CYP39A1: variants seen among roughly 807,000 people sequenced by gnomAD.
CYP39A1 encodes the protein cytochrome P450 family 39 subfamily A member 1.
Under a neutral mutation model 58.1 loss-of-function variants are expected in CYP39A1, and 49 were observed. The ratio of observed to expected loss-of-function variants is 0.84; its 90% confidence interval spans 0.67 to 1.07. The LOEUF (loss-of-function observed/expected upper bound fraction) is 1.07. Among genes scored for constraint, CYP39A1 ranks in the 50% least tolerant of loss-of-function variants. CYP39A1 has a pLI of 0.00. For synonymous variants in CYP39A1, 209 were observed against 187.6 expected (o/e 1.11, Z -0.93); for missense variants, 531 against 539.4 (o/e 0.98, Z 0.16).
chr6:46,632,028 T>C (rs1430402729), intron 5 of CYP39A1, among the ~76,000 whole-genome samples: 3 of 152,242 alleles, frequency 2.0e-5, no homozygotes, highest in Non-Finnish European at 2.9e-5. Flanking sequence ...GGGCAAGTAC[T>C]GTTTTAAGTG....
chr6:46,563,094 A>C (rs978951341), intron 10 of CYP39A1, among the ~76,000 whole-genome samples: 3 of 151,080 alleles, frequency 2.0e-5, no homozygotes, highest in Non-Finnish European at 4.4e-5. Context: ...TTCACCACTA[A>C]AGTTTTTTTC....
In CYP39A1 at chr6:46,584,765, C is replaced by T. The variant is rs550831006; in HGVS notation, c.1250+2312G>A. Among the ~76,000 whole-genome samples, 94 of 152,254 alleles carry T rather than the reference C, an allele frequency of 6.2e-4. 1 individual carries two copies. The South Asian group carries it at 0.019, about 30-fold the overall frequency. ...TGCCTCTGTGCTTAGTAACCCTTTG[C>T]TCATTCTGTTGTCTCAAGCTAAAAG... On this transcript the variant is annotated intron_variant, in intron 10 of 11. Coordinates refer to ENST00000275016, the MANE Select transcript of CYP39A1 (RefSeq NM_016593.5).
chr6:46,592,344 T>C (rs1461998988), intron 8 of CYP39A1, among the ~76,000 whole-genome samples: 1 of 152,160 alleles, frequency 6.6e-6, no homozygotes, highest in African/African-American at 2.4e-5. Context: ...GATAAGCCCA[T>C]GTGAAATGTG....
chr6:46,628,832 G>A (rs1041091225), intron 6 of CYP39A1, among the ~76,000 whole-genome samples: 5 of 152,116 alleles, frequency 3.3e-5, no homozygotes, highest in Admixed American at 1.3e-4. Flanking sequence ...CAGTATTAAC[G>A]GGCCATTGAA....
chr6:46,639,468 T>C, intron 3 of CYP39A1, 26 bp downstream of exon 3: 1 of 1,604,422 alleles, frequency 6.2e-7, no homozygotes, highest in Admixed American at 1.7e-5. Flanking sequence ...AAAGCAAGAC[T>C]AAATCATACT....
At chr6:46,648,832 G>A (rs1762492856) in intron 1 of CYP39A1, among the ~76,000 whole-genome samples, 1 of 151,646 alleles carries the variant, frequency 6.6e-6, no homozygotes, top group African/African-American at 2.4e-5. Context: ...AACAAATAAT[G>A]TTTCCATTGT....
intron 7 of CYP39A1, among the ~76,000 whole-genome samples, chr6:46,621,201 C>T (rs376758667): frequency 2.7e-5 from 4 of 146,016 alleles, no homozygotes; most frequent in Admixed American, 6.7e-5. Flanking sequence ...CAACAGAAAG[C>T]GTCCCTGAAG....
At chr6:46,577,867 T>C (rs948841176) in intron 10 of CYP39A1, among the ~76,000 whole-genome samples, 1 of 152,010 alleles carries the variant, frequency 6.6e-6, no homozygotes, top group African/African-American at 2.4e-5. Flanking sequence ...GTCAGACAAG[T>C]CATCAAAGCA....
chr6:46,575,726 C>T (rs1005404924), intron 10 of CYP39A1, among the ~76,000 whole-genome samples: 1 of 152,296 alleles, frequency 6.6e-6, no homozygotes, highest in African/African-American at 2.4e-5. Flanking sequence ...CAGCACAGCC[C>T]GTGCTTTAAT....
intron 10 of CYP39A1, among the ~76,000 whole-genome samples, chr6:46,576,430 T>A (rs796238078): frequency 6.6e-6 from 1 of 152,212 alleles, no homozygotes; most frequent in Non-Finnish European, 1.5e-5. Context: ...CTGGCAACTC[T>A]GAAAGCCAGA....
At chr6:46,601,356 C>T (rs1222318404) in intron 7 of CYP39A1, among the ~76,000 whole-genome samples, 1 of 152,136 alleles carries the variant, frequency 6.6e-6, no homozygotes, top group Non-Finnish European at 1.5e-5. Context: ...TCTACAACCC[C>T]TTTGTAAATA....
chr6:46,596,471 TA>T, intron 7 of CYP39A1, among the ~76,000 whole-genome samples: 1 of 152,032 alleles, frequency 6.6e-6, no homozygotes, highest in African/African-American at 2.4e-5. Context: ...TCCACTTATG[TA>T]AAAAGCAATA....
chr6:46,570,248 T>C (rs1419946024), intron 10 of CYP39A1, among the ~76,000 whole-genome samples: 1 of 152,180 alleles, frequency 6.6e-6, no homozygotes, highest in Non-Finnish European at 1.5e-5. Context: ...CCAGAAGATA[T>C]ATCATTTTTC....
At chr6:46,607,630 G>T (rs1274371750) in intron 7 of CYP39A1, among the ~76,000 whole-genome samples, 5 of 152,054 alleles carry the variant, frequency 3.3e-5, no homozygotes, top group Non-Finnish European at 7.4e-5. Context: ...AAGGGGAATG[G>T]TAGGCATTTA....
intron 10 of CYP39A1, among the ~76,000 whole-genome samples, chr6:46,579,915 A>G (rs956639983): frequency 2.0e-5 from 3 of 152,210 alleles, no homozygotes; most frequent in Admixed American, 2.0e-4. Context: ...AATATTGTTA[A>G]AACGGTCATA....
chr6:46,565,418 A>T (rs879691836), intron 10 of CYP39A1, among the ~76,000 whole-genome samples: 3 of 152,106 alleles, frequency 2.0e-5, no homozygotes, highest in Non-Finnish European at 4.4e-5. Flanking sequence ...AATATAGAAA[A>T]AAAAGAACAA....
chr6:46,563,297 G>A (rs956362043), intron 10 of CYP39A1, among the ~76,000 whole-genome samples: 1 of 152,136 alleles, frequency 6.6e-6, no homozygotes, highest in East Asian at 1.9e-4. Context: ...GCTAAGCTAT[G>A]TTCAGGTAAG....
intron 7 of CYP39A1, among the ~76,000 whole-genome samples, chr6:46,606,675 G>A (rs1432022837): frequency 2.6e-5 from 4 of 152,160 alleles, no homozygotes; most frequent in African/African-American, 4.8e-5. Flanking sequence ...ACCTTAGGAT[G>A]TTGAAAATCA....
At chr6:46,583,257 T>G in intron 10 of CYP39A1, 1 of 985,390 alleles carries the variant, frequency 1.0e-6, no homozygotes, top group Non-Finnish European at 1.2e-6. Context: ...TGTTTTACAC[T>G]GGAGTTTAAG....
Sources: allele counts gnomAD v4.1 joint callset (sites outside exome capture counted in the v4.1 genomes callset), GRCh38; gene constraint gnomAD v4.1.1; transcripts MANE v1.5; gene names NCBI Gene and HGNC (gene_info 2026-07-23, HGNC 2026-07-21).